Variants in GPC6 observed in about 807,000 individuals in gnomAD.
GPC6 encodes glypican 6.
A neutral mutation model predicts 55.2 loss-of-function variants in GPC6; 14 were observed. The observed-to-expected ratio is 0.25, with a 90% CI of 0.17 to 0.40. GPC6 has a LOEUF of 0.40. Among genes scored for constraint, GPC6 ranks in the 10% least tolerant of loss-of-function variants. GPC6 has a pLI of 1.00. For missense variants in GPC6, 641 were observed against 708.5 expected, an observed-to-expected ratio of 0.90 and a Z score of 1.08; for synonymous variants, 278 against 259.6, an observed-to-expected ratio of 1.07 and a Z score of -0.68.
chr13:93,808,424 T>G (rs943446813), intron 2 of GPC6, among the ~76,000 whole-genome samples: 1 of 152,180 alleles, frequency 6.6e-6, no homozygotes, highest in Non-Finnish European at 1.5e-5. Context: ...AGCCTGATCT[T>G]TAAGTACATA....
intron 1 of GPC6, among the ~76,000 whole-genome samples, chr13:93,257,455 A>G (rs1485999076): frequency 6.6e-6 from 1 of 152,202 alleles, no homozygotes; most frequent in Non-Finnish European, 1.5e-5. Flanking sequence ...AAGGTCACCC[A>G]TTAATGAAAT....
intron 3 of GPC6, among the ~76,000 whole-genome samples, chr13:93,851,254 G>A (rs1888384941): frequency 1.3e-5 from 2 of 151,902 alleles, no homozygotes; most frequent in South Asian, 4.1e-4. Flanking sequence ...ACTATACTAT[G>A]TTTTTGTATA....
intron 1 of GPC6, among the ~76,000 whole-genome samples, chr13:93,490,196 A>G (rs1206209086): frequency 6.6e-6 from 1 of 151,482 alleles, no homozygotes; most frequent in Non-Finnish European, 1.5e-5. Flanking sequence ...GAATTTTGTC[A>G]AAGGCCTTTT....
chr13:93,363,004 A>G (rs1404883096), intron 1 of GPC6, among the ~76,000 whole-genome samples: 3 of 152,090 alleles, frequency 2.0e-5, no homozygotes, highest in African/African-American at 7.2e-5. Context: ...ATACTGATGA[A>G]CGACTATTTT....
At chr13:93,769,293 G>A (rs1276954401) in intron 2 of GPC6, among the ~76,000 whole-genome samples, 48 of 152,130 alleles carry the variant, frequency 3.2e-4, no homozygotes, top group Non-Finnish European at 2.5e-4. Flanking sequence ...CAGTTTAATA[G>A]CAAGAAGGAA....
At chr13:93,533,207 T>A (rs1466777137) in intron 1 of GPC6, among the ~76,000 whole-genome samples, 1 of 152,198 alleles carries the variant, frequency 6.6e-6, no homozygotes, top group East Asian at 1.9e-4. Flanking sequence ...TTTAAAAATG[T>A]GGCTTCCCTA....
intron 4 of GPC6, among the ~76,000 whole-genome samples, chr13:94,270,757 C>CT (rs1353312947): frequency 6.6e-6 from 1 of 152,108 alleles, no homozygotes; most frequent in Non-Finnish European, 1.5e-5. Context: ...TATGCATCTT[C>CT]TAAGACCAGA....
chr13:94,028,128 G>A (rs1882973771), intron 4 of GPC6, among the ~76,000 whole-genome samples: 1 of 152,024 alleles, frequency 6.6e-6, no homozygotes, highest in Non-Finnish European at 1.5e-5. Context: ...AGCTGGGCGT[G>A]GTAGCACACA....
intron 2 of GPC6, among the ~76,000 whole-genome samples, chr13:93,800,932 A>G (rs71429538): frequency 2.9e-4 from 44 of 152,078 alleles, no homozygotes; most frequent in Non-Finnish European, 5.0e-4. Flanking sequence ...TTCTTGAGTT[A>G]TTTGTTGTAT....
At chr13:93,729,494 A>C (rs1159648943) in intron 2 of GPC6, among the ~76,000 whole-genome samples, 1 of 152,174 alleles carries the variant, frequency 6.6e-6, no homozygotes, top group Non-Finnish European at 1.5e-5. Flanking sequence ...CAGTAATTGC[A>C]CCACTGTATA....
At chr13:93,665,647 A>G (rs149053946) in intron 2 of GPC6, among the ~76,000 whole-genome samples, 1 of 152,212 alleles carries the variant, frequency 6.6e-6, no homozygotes, top group South Asian at 2.1e-4. Flanking sequence ...GATAGCATTT[A>G]ATGAAAGCTG....
At chr13:94,029,878 T>A (rs532863692) in intron 4 of GPC6, among the ~76,000 whole-genome samples, 3 of 152,358 alleles carry the variant, frequency 2.0e-5, no homozygotes, top group Admixed American at 1.3e-4. Context: ...TGAAATGGAA[T>A]GTCTGGAAAA....
intron 4 of GPC6, among the ~76,000 whole-genome samples, chr13:94,045,708 A>G (rs1883707172): frequency 6.6e-6 from 1 of 151,430 alleles, no homozygotes; most frequent in African/African-American, 2.4e-5. Context: ...CTTGTTAGCA[A>G]TATAGAAACC....
At chr13:93,405,978 C>T (rs1280937540) in intron 1 of GPC6, among the ~76,000 whole-genome samples, 1 of 152,186 alleles carries the variant, frequency 6.6e-6, no homozygotes, top group Non-Finnish European at 1.5e-5. Context: ...TCAGATGAGG[C>T]TAAGGCTTTA....
intron 3 of GPC6, among the ~76,000 whole-genome samples, chr13:93,862,693 T>C (rs1158808515): frequency 6.6e-6 from 1 of 151,674 alleles, no homozygotes; most frequent in African/African-American, 2.4e-5. Flanking sequence ...TAGTTGCCAC[T>C]GTATATAAAG....
At chr13:93,726,567 G>C (rs1883651569) in intron 2 of GPC6, among the ~76,000 whole-genome samples, 1 of 152,028 alleles carries the variant, frequency 6.6e-6, no homozygotes, top group African/African-American at 2.4e-5. Context: ...GATGTATGTA[G>C]ATCTGCAAAT....
intron 2 of GPC6, among the ~76,000 whole-genome samples, chr13:93,600,280 AT>A (rs1877952538): frequency 6.6e-6 from 1 of 152,224 alleles, no homozygotes. Context: ...AATTTACAAG[AT>A]GCTAAGTAAT....
chr13:93,955,952 C>T (rs1879490648), intron 3 of GPC6, among the ~76,000 whole-genome samples: 1 of 152,028 alleles, frequency 6.6e-6, no homozygotes, highest in Admixed American at 6.6e-5. Context: ...CTTCATCTAC[C>T]CCAGTGAATT....
chr13:94,166,715 A>C (rs1888382310), intron 4 of GPC6, among the ~76,000 whole-genome samples: 1 of 152,216 alleles, frequency 6.6e-6, no homozygotes, highest in Non-Finnish European at 1.5e-5. Context: ...TACATATTTT[A>C]ATCTCCTCAG....
Sources: gnomAD v4.1 joint callset for allele counts (sites outside exome capture counted in the v4.1 genomes callset) on GRCh38, gnomAD v4.1.1 for gene constraint, MANE v1.5 for transcripts, NCBI Gene and HGNC (gene_info 2026-07-23, HGNC 2026-07-21) for gene names.